SPMIP7: variants seen among roughly 807,000 people sequenced by gnomAD.
SPMIP7 encodes protein SPMIP7.
At chr7:50,128,768 C>A in the SPMIP7 span, among the ~76,000 whole-genome samples, 2 of 151,894 alleles carry the variant, frequency 1.3e-5, no homozygotes, top group South Asian at 4.1e-4. Context: ...AATTATAATT[C>A]ATGGACAGTA....
At chr7:50,126,116 A>G in the SPMIP7 span, among the ~76,000 whole-genome samples, 1 of 152,078 alleles carries the variant, frequency 6.6e-6, no homozygotes, top group South Asian at 2.1e-4. Flanking sequence ...TTTCTTTTTC[A>G]ATTAAATGTT....
the SPMIP7 span, chr7:50,129,742 C>T: frequency 6.5e-7 from 1 of 1,548,096 alleles, no homozygotes; most frequent in Non-Finnish European, 8.7e-7. Context: ...CTTGTTCAAA[C>T]AAACAAGAAA....
At chr7:50,131,244 T>G in the SPMIP7 span, among the ~76,000 whole-genome samples, 1 of 152,142 alleles carries the variant, frequency 6.6e-6, no homozygotes, top group Non-Finnish European at 1.5e-5. Flanking sequence ...CCAACACAAT[T>G]TTCTGATTGT....
chr7:50,101,959 A>G, the SPMIP7 span, among the ~76,000 whole-genome samples: 1 of 152,230 alleles, frequency 6.6e-6, no homozygotes, highest in African/African-American at 2.4e-5. Context: ...CCCGTTAATC[A>G]CAGCTTTGTG....
the SPMIP7 span, among the ~76,000 whole-genome samples, chr7:50,098,273 T>C: frequency 7.2e-5 from 11 of 152,188 alleles, no homozygotes; most frequent in Admixed American, 4.6e-4. Context: ...CTTCCTTTCT[T>C]GATCCAGTTG....
chr7:50,145,912 T>C, the SPMIP7 span, among the ~76,000 whole-genome samples: 1 of 151,854 alleles, frequency 6.6e-6, no homozygotes, highest in Admixed American at 6.6e-5. Context: ...TTACAAGGTT[T>C]CATATTTACT....
the SPMIP7 span, among the ~76,000 whole-genome samples, chr7:50,103,009 A>G: frequency 6.8e-6 from 1 of 147,042 alleles, no homozygotes; most frequent in Non-Finnish European, 1.5e-5. Flanking sequence ...TATTATATGT[A>G]ATATATAATG....
At chr7:50,138,764 AT>A in the SPMIP7 span, among the ~76,000 whole-genome samples, 124 of 140,138 alleles carry the variant, frequency 8.8e-4, no homozygotes, top group African/African-American at 1.4e-3. Flanking sequence ...TTTAAATGGG[AT>A]TTTTTTTTTT....
At chr7:50,117,187 A>T in the SPMIP7 span, 1 of 446,734 alleles carries the variant, frequency 2.2e-6, no homozygotes, top group Non-Finnish European at 4.5e-6. Context: ...TATGACTTCC[A>T]AATTATGCTA....
chr7:50,137,286 T>C, the SPMIP7 span, among the ~76,000 whole-genome samples: 1 of 152,114 alleles, frequency 6.6e-6, no homozygotes. Context: ...ATTTACATTA[T>C]TTAATTTCAC....
chr7:50,156,857 G>T, the SPMIP7 span, among the ~76,000 whole-genome samples: 3 of 152,014 alleles, frequency 2.0e-5, no homozygotes, highest in African/African-American at 7.2e-5. Flanking sequence ...CCTGTGAGCT[G>T]CCACCCTGTT....
At chr7:50,112,269 T>C in the SPMIP7 span, among the ~76,000 whole-genome samples, 2 of 151,898 alleles carry the variant, frequency 1.3e-5, no homozygotes, top group Non-Finnish European at 2.9e-5. Context: ...AGAAACAATA[T>C]ACATATAATT....
At chr7:50,153,148 A>C in the SPMIP7 span, among the ~76,000 whole-genome samples, 1 of 152,206 alleles carries the variant, frequency 6.6e-6, no homozygotes, top group South Asian at 2.1e-4. Flanking sequence ...TGAAATAATA[A>C]TCTTAGCTAG....
chr7:50,134,769 G>C, the SPMIP7 span, among the ~76,000 whole-genome samples: 2 of 152,274 alleles, frequency 1.3e-5, no homozygotes, highest in South Asian at 2.1e-4. Flanking sequence ...TTATTTCCGA[G>C]TGTCAAGAAG....
chr7:50,152,042 T>C, the SPMIP7 span, among the ~76,000 whole-genome samples: 3 of 152,296 alleles, frequency 2.0e-5, no homozygotes, highest in East Asian at 5.8e-4. Context: ...AACCCACATT[T>C]TGCAAATTGA....
chr7:50,120,920 T>C, the SPMIP7 span, among the ~76,000 whole-genome samples: 1 of 152,218 alleles, frequency 6.6e-6, no homozygotes, highest in African/African-American at 2.4e-5. Flanking sequence ...GCCTGAATTT[T>C]GAATTGTTTG....
At chr7:50,105,205 A>G in the SPMIP7 span, among the ~76,000 whole-genome samples, 4 of 152,196 alleles carry the variant, frequency 2.6e-5, no homozygotes, top group African/African-American at 7.2e-5. Context: ...TTTAAAAAAC[A>G]GCTTTATTGA....
At chr7:50,134,289 T>C in the SPMIP7 span, 4,548 of 1,459,508 alleles carry the variant, frequency 3.1e-3, 12 homozygotes, top group Middle Eastern at 3.7e-3. Context: ...CTCATTGTTA[T>C]TGAAATGAGT....
chr7:50,121,909 G>A, the SPMIP7 span, among the ~76,000 whole-genome samples: 842 of 151,904 alleles, frequency 5.5e-3, 7 homozygotes, highest in African/African-American at 0.02. Flanking sequence ...CTCCGGCCTC[G>A]ACCTCCCAAA....
Sources: gnomAD v4.1 joint callset for allele counts (sites outside exome capture counted in the v4.1 genomes callset) on GRCh38, gnomAD v4.1.1 for gene constraint, MANE v1.5 for transcripts, NCBI Gene and HGNC (gene_info 2026-07-23, HGNC 2026-07-21) for gene names.